The following CNNM4 variants were observed in gnomAD, a reference collection of about 807,000 sequenced individuals.
CNNM4 encodes metal transporter CNNM4.
Under a neutral mutation model 53.7 loss-of-function variants are expected in CNNM4, and 32 were observed. That is an observed-to-expected ratio of 0.60 (90% CI 0.45 to 0.80). The LOEUF (loss-of-function observed/expected upper bound fraction) is 0.80, where lower values mean the gene tolerates loss of function less well. Ranked by LOEUF, CNNM4 falls within the 30% of genes least tolerant of loss-of-function variation. The pLI, the probability that CNNM4 is intolerant of heterozygous loss-of-function variation, is 0.00. For missense variants in CNNM4, 784 were observed against 1,022.0 expected (o/e 0.77, Z 3.17); for synonymous variants, 410 against 440.0 (o/e 0.93, Z 0.85).
At chr2:96,799,706 T>C (rs2079141531) in intron 5 of CNNM4, 58 bp downstream of exon 5, 1 of 1,339,568 alleles carries the variant, frequency 7.5e-7, no homozygotes, top group Non-Finnish European at 1.0e-6. Context: ...TGGGGAGCCA[T>C]GGACCGACAC....
chr2:96,765,809 T>A (rs1309103071), intron 1 of CNNM4, among the ~76,000 whole-genome samples: 1 of 151,086 alleles, frequency 6.6e-6, no homozygotes, highest in Non-Finnish European at 1.5e-5. Flanking sequence ...TTTTTTTTTT[T>A]TTGAGACGGA....
chr2:96,802,323 C>T (rs2079167202), intron 5 of CNNM4, among the ~76,000 whole-genome samples: 1 of 152,236 alleles, frequency 6.6e-6, no homozygotes, highest in Non-Finnish European at 1.5e-5. Context: ...CACCGGCCAG[C>T]CTGCTGCCCT....
intron 5 of CNNM4, among the ~76,000 whole-genome samples, chr2:96,804,578 T>C (rs188257880): frequency 1.5e-3 from 233 of 152,160 alleles, no homozygotes; most frequent in African/African-American, 5.2e-3. Flanking sequence ...ATTTTTTGTA[T>C]CTTTAGTAGA....
chr2:96,801,964 CACACACACAAAGAG>C lies in CNNM4; in HGVS notation c.1948+2326_1948+2339del, dbSNP rs1333179732. ...ACACCCATAGGCACACACCCATAGGCACACACACAAAGAGACACACACAGACACACACCCATGGA... is the reference window on the plus strand; with the variant it reads ...ACACCCATAGGCACACACCCATAGGCACACACACAGACACACACCCATGGA... On this transcript the variant is annotated intron_variant, in intron 5 of 6. Transcript: ENST00000377075. The surrounding 1 kb of genome is among the most constrained non-coding windows in gnomAD (Gnocchi z 5.6). Among the ~76,000 whole-genome samples, 4 of 150,832 alleles carry C rather than the reference CACACACACAAAGAG, an allele frequency of 2.7e-5. No individual in the cohort carries two copies. In the East Asian group the frequency reaches 5.9e-4, roughly 22 times the overall value.
chr2:96,797,028 C>T lies in CNNM4; in HGVS notation c.1419C>T (p.Ala473=), dbSNP rs1300648522. The change falls in exon 2 of 7, where the codon GCC becomes GCT. Residue 473 remains alanine, a synonymous_variant. Transcript: ENST00000377075. This position sits in a 1 kb window ranked among gnomAD's most constrained non-coding sequence, Gnocchi z 6.0. ...GTCCCACAGGGAAGTCCCACCTGGC[C>T]ATCGTGCAGAAGGTAAACAACGAGG... ...EEFKKGKSHL[A]IVQKVNNEGE... 6.2e-7 allele frequency: 1 copy of T among 1,613,416 alleles called. No individual in the cohort carries two copies. Among genetic ancestry groups the T allele is most frequent in the Non-Finnish European group, 8.5e-7 (1 of 1,180,010 alleles).
At chr2:96,803,074 C>T (rs2079172993) in intron 5 of CNNM4, among the ~76,000 whole-genome samples, 1 of 152,190 alleles carries the variant, frequency 6.6e-6, no homozygotes, top group African/African-American at 2.4e-5. Context: ...AAGGTATACT[C>T]TGCTATTTTG....
chr2:96,772,665 GCA>G lies in CNNM4; in HGVS notation c.1402+10280_1402+10281del, dbSNP rs775259140. On this transcript the variant is annotated intron_variant, in intron 1 of 6. Transcript: ENST00000377075. Reference sequence around the variant, plus strand: ...GGCAGGCGCTCACACACACATGCGTGCACACACACACACACACTCATACCCCC... The same window carrying G: ...GGCAGGCGCTCACACACACATGCGTGCACACACACACACACTCATACCCCC... Among the ~76,000 whole-genome samples the G allele has an allele frequency of 1.3e-3, 53 of 40,438 alleles. 1 individual carries two copies. Among genetic ancestry groups the G allele is most frequent in the Middle Eastern group, 0.038 (2 of 52 alleles). 26.5% of individuals were successfully genotyped at this position (40,438 alleles called of 152,430 possible).
At chr2:96,777,848 T>C (rs560035908) in intron 1 of CNNM4, among the ~76,000 whole-genome samples, 3 of 149,414 alleles carry the variant, frequency 2.0e-5, no homozygotes, top group African/African-American at 7.3e-5. Context: ...TGTGTTGCCT[T>C]GGCTGGTCTT....
At chr2:96,807,058 CAG>C (rs1475219175) in intron 5 of CNNM4, among the ~76,000 whole-genome samples, 1 of 152,136 alleles carries the variant, frequency 6.6e-6, no homozygotes, top group African/African-American at 2.4e-5. Context: ...GGCGGGTGGA[CAG>C]AGTGTAGTGG....
intron 1 of CNNM4, among the ~76,000 whole-genome samples, chr2:96,766,723 C>G (rs565995290): frequency 3.3e-5 from 5 of 152,358 alleles, no homozygotes; most frequent in African/African-American, 1.2e-4. Flanking sequence ...CAATGTATCT[C>G]TAGCCCCTAG....
chr2:96,810,376 C>T lies in CNNM4; in HGVS notation c.*859C>T, dbSNP rs1444204387. The T allele has an allele frequency of 3.3e-5, 5 of 152,716 alleles. No individual in the cohort carries two copies. Among genetic ancestry groups the T allele is most frequent in the African/African-American group, 1.2e-4 (5 of 41,452 alleles). 9.5% of individuals were successfully genotyped at this position (152,716 alleles called of 1,614,324 possible). ...AGGGTCTCAGGCCTTTGATTGCTCA[C>T]CCCTGCTCCCCAGGCCCTGCCCTCA... is the stretch of plus-strand genomic sequence containing the variant. On this transcript the variant is annotated 3_prime_UTR_variant, in exon 7 of 7. Coordinates refer to ENST00000377075, the MANE Select transcript of CNNM4 (RefSeq NM_020184.4). The surrounding 1 kb of genome is among the most constrained non-coding windows in gnomAD (Gnocchi z 4.1).
At position 96,811,140 on chromosome 2, in the gene CNNM4, GCCTA is replaced by G. The variant is rs2079253779; in HGVS notation, c.*1626_*1629del. 6.6e-6 allele frequency: 1 copy of G among 152,246 alleles called. No homozygotes were observed. Among genetic ancestry groups the G allele is most frequent in the Admixed American group, 6.5e-5 (1 of 15,274 alleles). 9.4% of individuals were successfully genotyped at this position (152,246 alleles called of 1,614,324 possible). A position where few individuals can be genotyped will look rare whatever the true frequency, so the allele number is the denominator to read the frequency against. On this transcript the variant is annotated 3_prime_UTR_variant, in exon 7 of 7. Coordinates refer to ENST00000377075, the MANE Select transcript of CNNM4 (RefSeq NM_020184.4). The stretch of plus-strand genomic sequence containing the variant: ...CCAGGGATTGTCTTGCACCAAGTAT[GCCTA>G]CCCCTGGCCAGTCTGAGGTCTCCTA...
chr2:96,805,700 C>T (rs1371004144), intron 5 of CNNM4, among the ~76,000 whole-genome samples: 11 of 123,062 alleles, frequency 8.9e-5, no homozygotes, highest in African/African-American at 3.5e-4. Flanking sequence ...ACATCTTGCA[C>T]CGCCCTTAAT....
chr2:96,782,452 G>A (rs1001203133), intron 1 of CNNM4, among the ~76,000 whole-genome samples: 4 of 151,566 alleles, frequency 2.6e-5, no homozygotes, highest in African/African-American at 9.7e-5. Flanking sequence ...ATGCTCATGA[G>A]ACAGATGAGA....
intron 1 of CNNM4, among the ~76,000 whole-genome samples, chr2:96,768,848 C>T (rs751601995): frequency 7.2e-5 from 11 of 152,210 alleles, no homozygotes; most frequent in Admixed American, 2.0e-4. Flanking sequence ...GATGCCCATG[C>T]TGCTGGCCCT....
chr2:96,780,137 T>C (rs542131906), intron 1 of CNNM4, among the ~76,000 whole-genome samples: 28 of 152,230 alleles, frequency 1.8e-4, no homozygotes, highest in African/African-American at 6.7e-4. Flanking sequence ...TTCCAATCTG[T>C]GAACACGATG....
At chr2:96,796,987 T>G in intron 1 of CNNM4, 25 bp from the exon 2 acceptor site, 1 of 1,611,712 alleles carries the variant, frequency 6.2e-7, no homozygotes, top group Non-Finnish European at 8.5e-7. Flanking sequence ...TGGGCTCTTG[T>G]CTGACTTGCT....
chr2:96,809,268 A>G (rs373367131), intron 6 of CNNM4, 52 bp from the exon 7 acceptor site: 21 of 1,608,690 alleles, frequency 1.3e-5, no homozygotes, highest in East Asian at 1.1e-4. Context: ...GCCTGGTGAT[A>G]GGGTCTGCCT....
chr2:96,776,249 C>T (rs879804432), intron 1 of CNNM4, among the ~76,000 whole-genome samples: 3 of 150,678 alleles, frequency 2.0e-5, no homozygotes, highest in Non-Finnish European at 4.4e-5. Context: ...AGGATGGTCT[C>T]GATCTCCTGA....
Sources: gnomAD v4.1 joint callset for allele counts (sites outside exome capture counted in the v4.1 genomes callset) on GRCh38, gnomAD v4.1.1 for gene constraint, Gnocchi (gnomAD v3.1) non-coding constraint, MANE v1.5 for transcripts, NCBI Gene and HGNC (gene_info 2026-07-23, HGNC 2026-07-21) for gene names.